PLD1: variants seen among roughly 807,000 people sequenced by gnomAD.
The protein encoded by PLD1 is choline phosphatase 1.
A neutral mutation model predicts 137.1 loss-of-function variants in PLD1; 112 were observed. That is an observed-to-expected ratio of 0.82 (90% CI 0.70 to 0.96). The LOEUF is 0.96. Ranked by LOEUF, PLD1 falls within the 40% of genes least tolerant of loss-of-function variation. PLD1 has a pLI of 0.00. For missense variants in PLD1, 1,321 were observed against 1,342.0 expected (o/e 0.98, Z 0.24); for synonymous variants, 431 against 454.7 (o/e 0.95, Z 0.66).
intron 1 of PLD1, among the ~76,000 whole-genome samples, chr3:171,764,888 A>G (rs773774609): frequency 0.11 from 2,153 of 19,986 alleles, 72 homozygotes; most frequent in Middle Eastern, 0.14. Context: ...AGAAAGAAAG[A>G]AAGAAAGGAA....
rs554718311 is a variant in PLD1 at position 171,782,251 on chromosome 3, G to A, written c.-32+28148C>T. 3.3e-5 allele frequency among the ~76,000 whole-genome samples: 5 copies of A among 152,306 alleles called. No individual in the cohort carries two copies. In the South Asian group the frequency reaches 1.0e-3, roughly 32 times the overall value. ...TGGCAGAGCATAAGAGGGTGGTCTG[G>A]GGACTAACTGGGAAGCAACATGAGG... On this transcript the variant is annotated intron_variant, in intron 1 of 26. Transcript: ENST00000351298.
At chr3:171,782,406 C>A (rs1316933443) in intron 1 of PLD1, among the ~76,000 whole-genome samples, 1 of 152,176 alleles carries the variant, frequency 6.6e-6, no homozygotes, top group Non-Finnish European at 1.5e-5. Flanking sequence ...ATAAATTTTA[C>A]TTCAAAAGAG....
chr3:171,671,372 T>C (rs1484323834), intron 19 of PLD1, among the ~76,000 whole-genome samples: 1 of 152,218 alleles, frequency 6.6e-6, no homozygotes, highest in African/African-American at 2.4e-5. Flanking sequence ...TTTGGAGACT[T>C]TGTGACACTA....
intron 19 of PLD1, among the ~76,000 whole-genome samples, chr3:171,670,223 G>T (rs982969786): frequency 6.6e-6 from 1 of 152,160 alleles, no homozygotes; most frequent in Non-Finnish European, 1.5e-5. Flanking sequence ...AGCAGAGCAG[G>T]TTGACTATAG....
chr3:171,732,462 A>G (rs1431411882), intron 6 of PLD1, among the ~76,000 whole-genome samples: 3 of 152,202 alleles, frequency 2.0e-5, no homozygotes, highest in African/African-American at 7.2e-5. Context: ...AGCTGGATGT[A>G]TATTTGGACC....
chr3:171,737,884 G>A lies in PLD1; in HGVS notation c.160+8C>T, dbSNP rs756504488. The A allele has an allele frequency of 1.8e-5, 29 of 1,612,428 alleles. No homozygotes were observed. The South Asian group carries it at 2.2e-4, about 12-fold the overall frequency. ...CTTTTCTTCCCCGCTCAGATCATCC[G>A]TCTTTACCTTCTTGTATCTTGGGAT... On this transcript the variant is annotated splice_region_variant and intron_variant, in intron 2 of 26. Coordinates refer to ENST00000351298, the MANE Select transcript of PLD1 (RefSeq NM_002662.5).
chr3:171,623,117 T>C (rs1325471396), intron 23 of PLD1, among the ~76,000 whole-genome samples: 1 of 152,102 alleles, frequency 6.6e-6, no homozygotes, highest in Non-Finnish European at 1.5e-5. Context: ...CCCAGGTTAA[T>C]TTATAAATTT....
At chr3:171,793,888 A>G (rs1222784789) in intron 1 of PLD1, 3 of 152,250 alleles carry the variant, frequency 2.0e-5, no homozygotes, top group Non-Finnish European at 4.4e-5. Flanking sequence ...TCACGCCTAT[A>G]ATCGCAGCAT....
intron 1 of PLD1, among the ~76,000 whole-genome samples, chr3:171,746,040 G>A (rs1004600722): frequency 1.4e-4 from 21 of 152,178 alleles, no homozygotes; most frequent in Admixed American, 1.2e-3. Context: ...AAGCAGTTGC[G>A]GAGGGTACGC....
At chr3:171,701,282 G>GCAAA (rs1478310700) in intron 11 of PLD1, among the ~76,000 whole-genome samples, 1 of 152,176 alleles carries the variant, frequency 6.6e-6, no homozygotes, top group Admixed American at 6.5e-5. Context: ...GTCCAAACAA[G>GCAAA]CAAACAAACA....
chr3:171,652,903 C>T (rs1241189769), intron 21 of PLD1, among the ~76,000 whole-genome samples: 1 of 151,168 alleles, frequency 6.6e-6, no homozygotes, highest in Non-Finnish European at 1.5e-5. Flanking sequence ...GCATAAGCCA[C>T]AGTGCCCAGC....
At chr3:171,810,342 A>T (rs1361532071) in intron 1 of PLD1, 57 bp downstream of exon 1, 1 of 152,080 alleles carries the variant, frequency 6.6e-6, no homozygotes, top group Admixed American at 6.5e-5. Flanking sequence ...GGGCGAGGGC[A>T]GTGGAAACCC....
Position 171,672,641 on chromosome 3 carries a change from C to A in PLD1, c.2229+1859G>T, listed in dbSNP as rs369565660. 3.3e-5 allele frequency among the ~76,000 whole-genome samples: 5 copies of A among 150,136 alleles called. No homozygotes were observed. In the South Asian group the frequency reaches 8.3e-4, roughly 25 times the overall value. ...TGGCTGGGACCGCAAGCATGTGCCA[C>A]CATGCCTGGCTAATTTTTTAAGAAC... On this transcript the variant is annotated intron_variant, in intron 19 of 26. Transcript: ENST00000351298.
chr3:171,708,999 A>C, intron 10 of PLD1, 161 bp from the exon 11 acceptor site: 1 of 582,962 alleles, frequency 1.7e-6, no homozygotes, highest in South Asian at 2.2e-5. Flanking sequence ...TGAAAATACC[A>C]AGTTTCCTCT....
rs771002250 is a variant in PLD1 at position 171,639,846 on chromosome 3, C to CTATATA, written c.2593+2993_2593+2994insTATATA. Reference sequence around the variant, plus strand: ...TCTCTCTCTCTCTCTCTCTCTCTCTCTCTATATATATATATATATCTCCTA... The same window carrying CTATATA: ...TCTCTCTCTCTCTCTCTCTCTCTCTCTATATATCTATATATATATATATATCTCCTA... On this transcript the variant is annotated intron_variant, in intron 23 of 26. Coordinates refer to ENST00000351298, the MANE Select transcript of PLD1 (RefSeq NM_002662.5). Among the ~76,000 whole-genome samples the CTATATA allele has an allele frequency of 1.7e-3, 178 of 103,808 alleles. 1 individual carries two copies. Among genetic ancestry groups the CTATATA allele is most frequent in the East Asian group, 8.3e-3 (33 of 3,994 alleles). 68.1% of individuals were successfully genotyped at this position (103,808 alleles called of 152,430 possible). A position where few individuals can be genotyped will look rare whatever the true frequency, so the allele number is the denominator to read the frequency against.
intron 11 of PLD1, among the ~76,000 whole-genome samples, chr3:171,706,123 A>AATCT: frequency 7.8e-6 from 1 of 127,820 alleles, no homozygotes; most frequent in African/African-American, 3.0e-5. Context: ...CGGGTCAGTC[A>AATCT]GTCTATCTAT....
chr3:171,797,162 A>T (rs1560308277), intron 1 of PLD1, among the ~76,000 whole-genome samples: 1 of 152,148 alleles, frequency 6.6e-6, no homozygotes, highest in African/African-American at 2.4e-5. Flanking sequence ...TCCCAACAGT[A>T]GAGTGTCATC....
chr3:171,726,174 T>C, intron 6 of PLD1, 98 bp from the exon 7 acceptor site: 1 of 764,156 alleles, frequency 1.3e-6, no homozygotes, highest in South Asian at 1.4e-5. Flanking sequence ...ATATACTGTT[T>C]GGTGTGCTCC....
chr3:171,615,391 A>T (rs1156339254), intron 24 of PLD1, among the ~76,000 whole-genome samples: 1 of 152,228 alleles, frequency 6.6e-6, no homozygotes, highest in Non-Finnish European at 1.5e-5. Context: ...ACAAAAGGCT[A>T]TATGAAAATA....
Sources: allele counts gnomAD v4.1 joint callset (sites outside exome capture counted in the v4.1 genomes callset), GRCh38; gene constraint gnomAD v4.1.1; transcripts MANE v1.5; gene names NCBI Gene and HGNC (gene_info 2026-07-23, HGNC 2026-07-21).